The following HMGA1 variants were observed in gnomAD, a reference collection of about 807,000 sequenced individuals.
HMGA1 encodes high mobility group AT-hook 1.
Under a neutral mutation model 15.1 loss-of-function variants are expected in HMGA1, and 1 was observed. The observed-to-expected ratio is 0.07, with a 90% confidence interval of 0.02 to 0.31. The LOEUF (loss-of-function observed/expected upper bound fraction) is 0.31, where lower values mean the gene tolerates loss of function less well. Ranked by LOEUF, HMGA1 falls within the 10% of genes least tolerant of loss-of-function variation. The pLI is 1.00. For missense variants in HMGA1, 94 were observed against 141.4 expected (o/e 0.66, Z 1.70); for synonymous variants, 56 against 54.8 (o/e 1.02, Z -0.10).
intron 2 of HMGA1, among the ~76,000 whole-genome samples, chr6:34,238,034 C>G (rs912035252): frequency 7.2e-5 from 11 of 152,166 alleles, no homozygotes; most frequent in Admixed American, 2.0e-4. Flanking sequence ...TTTGACTCCC[C>G]GTTTCTATTT....
At chr6:34,241,107 C>G (rs1477810438) in intron 3 of HMGA1, among the ~76,000 whole-genome samples, 192 bp downstream of exon 3, 2 of 152,110 alleles carry the variant, frequency 1.3e-5, no homozygotes, top group Non-Finnish European at 2.9e-5. Context: ...TATAGAGACC[C>G]CAGGAGAGAA....
intron 2 of HMGA1, 83 bp downstream of exon 2, chr6:34,237,400 C>T (rs1761855320): frequency 6.9e-6 from 1 of 144,668 alleles, no homozygotes; most frequent in Non-Finnish European, 1.5e-5. Context: ...TCCTGCGAGC[C>T]GCCCGGGGCT....
At chr6:34,242,823 G>A (rs1762409222) in intron 4 of HMGA1, 28 bp downstream of exon 4, 4 of 1,513,296 alleles carry the variant, frequency 2.6e-6, no homozygotes, top group East Asian at 2.4e-5. Flanking sequence ...ACTACCCCTG[G>A]GTGGATGACT....
chr6:34,239,966 A>G (rs1762163234), intron 2 of HMGA1, among the ~76,000 whole-genome samples: 1 of 151,972 alleles, frequency 6.6e-6, no homozygotes, highest in South Asian at 2.1e-4. Flanking sequence ...CCCATCTGAC[A>G]AAGTCCCATC....
At chr6:34,244,373 G>A (rs1309513707) in intron 5 of HMGA1, among the ~76,000 whole-genome samples, 1 of 152,070 alleles carries the variant, frequency 6.6e-6, no homozygotes, top group Non-Finnish European at 1.5e-5. Context: ...CACCCCGGAG[G>A]GCCAGGGCAC....
intron 4 of HMGA1, 34 bp downstream of exon 4, chr6:34,242,829 T>C (rs1762409583): frequency 1.3e-6 from 2 of 1,490,294 alleles, no homozygotes; most frequent in South Asian, 2.4e-5. Context: ...CCTGGGTGGA[T>C]GACTAGCAGA....
chr6:34,237,490 G>T (rs1581786560), intron 2 of HMGA1, among the ~76,000 whole-genome samples, 173 bp downstream of exon 2: 1 of 144,286 alleles, frequency 6.9e-6, no homozygotes, highest in Non-Finnish European at 1.5e-5. Context: ...GCGCGGGGGC[G>T]GGCGGCGGGG....
intron 5 of HMGA1, 65 bp from the exon 6 acceptor site, chr6:34,244,766 C>T (rs1229358193): frequency 2.8e-6 from 4 of 1,408,118 alleles, no homozygotes; most frequent in Non-Finnish European, 3.9e-6. Context: ...CGGGTGGGGC[C>T]AGCCTCTGGG....
intron 5 of HMGA1, among the ~76,000 whole-genome samples, chr6:34,244,292 G>T (rs1035435912): frequency 6.6e-6 from 1 of 152,016 alleles, no homozygotes; most frequent in Admixed American, 6.5e-5. Context: ...CGACATTCCC[G>T]CCCAGTGAGT....
intron 2 of HMGA1, among the ~76,000 whole-genome samples, chr6:34,237,629 C>T (rs1429899848): frequency 6.8e-6 from 1 of 147,552 alleles, no homozygotes; most frequent in Non-Finnish European, 1.5e-5. Flanking sequence ...GAGTTGTGCA[C>T]CCGGCGGAGC....
In HMGA1 at chr6:34,242,750, G is replaced by T; in HGVS notation, c.174G>T (p.Arg58=). The change falls in exon 4 of 6, where the codon CGG becomes CGT. Residue 58 remains arginine (R), a synonymous_variant. Transcript: ENST00000311487. ...PSEVPTPKRP[R]GRPKGSKNKG... is the part of the protein sequence containing the mutation. Reference sequence around the variant, plus strand: ...AAGTGCCAACACCTAAGAGACCTCGGGGCCGACCAAAGGGAAGCAAAAACA... The same window carrying T: ...AAGTGCCAACACCTAAGAGACCTCGTGGCCGACCAAAGGGAAGCAAAAACA... The T allele has an allele frequency of 6.3e-7, 1 of 1,593,522 alleles. No homozygotes were observed. Among genetic ancestry groups the T allele is most frequent in the East Asian group, 2.3e-5 (1 of 44,086 alleles).
At chr6:34,242,289 A>G (rs1762373867) in intron 3 of HMGA1, among the ~76,000 whole-genome samples, 1 of 152,110 alleles carries the variant, frequency 6.6e-6, no homozygotes, top group Non-Finnish European at 1.5e-5. Context: ...GCCCAGTGCT[A>G]GATAACCATA....
intron 3 of HMGA1, among the ~76,000 whole-genome samples, chr6:34,241,614 C>T (rs1260683541): frequency 6.6e-6 from 1 of 152,212 alleles, no homozygotes; most frequent in Non-Finnish European, 1.5e-5. Context: ...GCCAGCCTGG[C>T]GCTGTGGGGC....
At chr6:34,242,989 C>G (rs1357209306) in intron 4 of HMGA1, among the ~76,000 whole-genome samples, 194 bp downstream of exon 4, 1 of 152,038 alleles carries the variant, frequency 6.6e-6, no homozygotes, top group Non-Finnish European at 1.5e-5. Context: ...GGTCTTACTT[C>G]TGGGGGGTTG....
At chr6:34,237,129 T>TA (rs1289793846) in intron 1 of HMGA1, 75 bp from the exon 2 acceptor site, 4 of 151,544 alleles carry the variant, frequency 2.6e-5, no homozygotes, top group African/African-American at 9.7e-5. Context: ...GACACATAAA[T>TA]ACCCCGCGGG....
intron 3 of HMGA1, 63 bp from the exon 4 acceptor site, chr6:34,242,649 G>C (rs1052095284): frequency 2.4e-5 from 27 of 1,145,880 alleles, no homozygotes; most frequent in Non-Finnish European, 3.3e-5. Flanking sequence ...GCAGAGGGCT[G>C]TGTCTTCTGA....
intron 3 of HMGA1, 115 bp downstream of exon 3, chr6:34,241,030 T>C: frequency 1.6e-6 from 2 of 1,235,786 alleles, no homozygotes; most frequent in Non-Finnish European, 1.2e-6. Flanking sequence ...TTCTGCGCAG[T>C]AAGCGTGTGG....
intron 2 of HMGA1, 25 bp from the exon 3 acceptor site, chr6:34,240,712 C>T (rs755525942): frequency 1.3e-6 from 2 of 1,588,740 alleles, no homozygotes; most frequent in Middle Eastern, 2.3e-4. Context: ...AGATGTTTGT[C>T]TAAAAGCACT....
At position 34,244,859 on chromosome 6, in the gene HMGA1, A is replaced by T; in HGVS notation, c.299A>T (p.Gln100Leu). The change falls in exon 6 of 6, where the codon CAG becomes CTG. Residue 100 changes from glutamine to leucine, a missense_variant. By Grantham distance (113) the Gln-to-Leu change is moderately radical. Coordinates refer to ENST00000311487, the MANE Select transcript of HMGA1 (RefSeq NM_145899.3). Reference protein sequence around the residue: ...LEKEEEEGISQESSEEEQ With the variant: ...LEKEEEEGISLESSEEEQ ...AAGGAGGAAGAGGAGGGCATCTCGC[A>T]GGAGTCCTCGGAGGAGGAGCAGTGA... 1 of 1,569,522 alleles carries T rather than the reference A, an allele frequency of 6.4e-7. No homozygotes were observed. Among genetic ancestry groups the T allele is most frequent in the Non-Finnish European group, 8.6e-7 (1 of 1,157,540 alleles).
Sources: gnomAD v4.1 joint callset for allele counts (sites outside exome capture counted in the v4.1 genomes callset) on GRCh38, gnomAD v4.1.1 for gene constraint, MANE v1.5 for transcripts, NCBI Gene and HGNC (gene_info 2026-07-23, HGNC 2026-07-21) for gene names.